NLRP12: variants seen among roughly 807,000 people sequenced by gnomAD.
NLRP12 encodes NACHT, LRR and PYD domains-containing protein 12.
Under a neutral mutation model 91.2 loss-of-function variants are expected in NLRP12, and 108 were observed. That is an observed-to-expected ratio of 1.18 (90% confidence interval 1.01 to 1.39). The LOEUF (loss-of-function observed/expected upper bound fraction) is 1.39. Among genes scored for constraint, NLRP12 ranks in the 40% most tolerant of loss-of-function variants. The pLI is 0.00. For synonymous variants in NLRP12, 613 were observed against 566.7 expected (o/e 1.08, Z -1.16); for missense variants, 1,530 against 1,352.7 (o/e 1.13, Z -2.06).
chr19:53,814,178 C>T (rs1488199210), intron 2 of NLRP12, among the ~76,000 whole-genome samples: 1 of 152,074 alleles, frequency 6.6e-6, no homozygotes, highest in African/African-American at 2.4e-5. Flanking sequence ...AGTGGTGAAT[C>T]CTGCCCCTTC....
At chr19:53,813,289 T>TTTTTTC (rs2092105966) in intron 2 of NLRP12, among the ~76,000 whole-genome samples, 2 of 139,920 alleles carry the variant, frequency 1.4e-5, no homozygotes, top group South Asian at 4.6e-4. Context: ...TTCTTTTTTT[T>TTTTTTC]TTTTCTTTTC....
At chr19:53,796,754 T>C (rs1240408749) in intron 8 of NLRP12, among the ~76,000 whole-genome samples, 2 of 151,290 alleles carry the variant, frequency 1.3e-5, no homozygotes, top group Admixed American at 1.3e-4. Flanking sequence ...TCCAGCACTT[T>C]GGGAGGCCGA....
chr19:53,815,485 C>G (rs1251504977), intron 1 of NLRP12, among the ~76,000 whole-genome samples: 1 of 151,978 alleles, frequency 6.6e-6, no homozygotes, highest in Non-Finnish European at 1.5e-5. Context: ...CCTTGGCCTC[C>G]CAAAGTGCTG....
chr19:53,805,047 G>A (rs2091935609), intron 5 of NLRP12, among the ~76,000 whole-genome samples: 1 of 152,058 alleles, frequency 6.6e-6, no homozygotes, highest in African/African-American at 2.4e-5. Context: ...AAAAAGAAGA[G>A]GTGGGGGATG....
chr19:53,816,418 C>T (rs891511626), intron 1 of NLRP12, among the ~76,000 whole-genome samples: 8 of 149,504 alleles, frequency 5.4e-5, no homozygotes, highest in African/African-American at 2.0e-4. Context: ...ACCCTCTTGG[C>T]ATATGGGGAC....
Position 53,824,261 on chromosome 19 carries a change from A to G in NLRP12, c.-87T>C, listed in dbSNP as rs2092310468. The G allele has an allele frequency of 6.6e-6, 9 of 1,359,616 alleles. No homozygotes were observed. The highest frequency in any genetic ancestry group is 1.0e-6 in the Non-Finnish European group (1 of 965,994). The allele number at this position is 1,359,616 out of a possible 1,614,324, so 84.2% of individuals were successfully genotyped here. On this transcript the variant is annotated 5_prime_UTR_variant, in exon 1 of 10. An upstream start codon of the reference 5' UTR is lost. Transcript: ENST00000324134. ...ACAGGGCGACCCCAGCACACCTTCC[A>G]TTGCATCATTCACAGGCAGCGGGCG...
Position 53,809,723 on chromosome 19 carries a change from C to G in NLRP12, c.1936G>C (p.Glu646Gln). The change falls in exon 3 of 10, where the codon GAG (glutamate) becomes CAG (glutamine). Residue 646 changes from glutamate to glutamine, a missense_variant. By Grantham distance (29) the Glu-to-Gln change is conservative. Coordinates refer to ENST00000324134, the MANE Select transcript of NLRP12 (RefSeq NM_144687.4). ...AGACAGAACGAGGAGACCATGTGCT[C>G]CATCTTGGAGGCAATGTTGCTGACC... ...IVVSNIASKM[E>Q]HMVSSFCLKR... is the part of the protein sequence containing the mutation. 6.2e-7 allele frequency: 1 copy of G among 1,614,080 alleles called. No individual in the cohort carries two copies. The highest frequency in any genetic ancestry group is 8.5e-7 in the Non-Finnish European group (1 of 1,180,028).
At chr19:53,808,336 A>T (rs1238573338) in intron 3 of NLRP12, 1 of 169,336 alleles carries the variant, frequency 5.9e-6, no homozygotes, top group Non-Finnish European at 1.3e-5. Context: ...CCTCTTTATT[A>T]TCTGTCTCCG....
Position 53,807,761 on chromosome 19 carries a change from C to CT in NLRP12, c.2073-97dup, listed in dbSNP as rs1401482394. ...TTCACCGTTTATGAAGCATGCTATCCTTTTTTGAGACGGAGTTTCGCTCTT... is the reference window on the plus strand; with the variant it reads ...TTCACCGTTTATGAAGCATGCTATCCTTTTTTTGAGACGGAGTTTCGCTCTT... On this transcript the variant is annotated intron_variant, in intron 3 of 9. Coordinates refer to ENST00000324134, the MANE Select transcript of NLRP12 (RefSeq NM_144687.4). 23 of 1,434,448 alleles carry CT rather than the reference C, an allele frequency of 1.6e-5. No homozygotes were observed. The East Asian group carries it at 5.1e-4, about 32-fold the overall frequency. The allele number at this position is 1,434,448 out of a possible 1,614,324, so 88.9% of individuals were successfully genotyped here. A position where few individuals can be genotyped will look rare whatever the true frequency, so the allele number is the denominator to read the frequency against.
In NLRP12 at chr19:53,812,391, C is replaced by T. The variant is rs139348522; in HGVS notation, c.371-1103G>A. Among the ~76,000 whole-genome samples, 611 of 146,678 alleles carry T rather than the reference C, an allele frequency of 4.2e-3. 1 individual carries two copies. The highest frequency in any genetic ancestry group is 6.7e-3 in the Non-Finnish European group (452 of 67,338). On this transcript the variant is annotated intron_variant, in intron 2 of 9. Coordinates refer to ENST00000324134, the MANE Select transcript of NLRP12 (RefSeq NM_144687.4). ...TCGCCCCACTGCACTCCAGCCTGGG[C>T]GACAGCGTGAGACTCTGCCTCAAAA...
chr19:53,823,520 A>ATATTTTAAAATATC (rs2092300756), intron 1 of NLRP12, among the ~76,000 whole-genome samples: 1 of 3,508 alleles, frequency 2.9e-4, no homozygotes, highest in Admixed American at 1.8e-3. Context: ...TATTTAAAAC[A>ATATTTTAAAATATC]TATATTTTAA....
intron 1 of NLRP12, among the ~76,000 whole-genome samples, chr19:53,817,107 C>T (rs1210305785): frequency 1.3e-5 from 2 of 150,392 alleles, no homozygotes; most frequent in South Asian, 2.1e-4. Context: ...CTGGGTAACA[C>T]GGTGAAACCC....
intron 1 of NLRP12, among the ~76,000 whole-genome samples, chr19:53,820,656 C>A (rs993652454): frequency 2.0e-5 from 3 of 151,722 alleles, no homozygotes; most frequent in Non-Finnish European, 4.4e-5. Context: ...CTAGCCTGGG[C>A]AACATAGTGA....
At position 53,811,248 on chromosome 19, in the gene NLRP12, G is replaced by C; in HGVS notation, c.411C>G (p.Phe137Leu). The C allele has an allele frequency of 6.2e-7, 1 of 1,614,022 alleles. No individual in the cohort carries two copies. Among genetic ancestry groups the C allele is most frequent in the Non-Finnish European group, 8.5e-7 (1 of 1,180,018 alleles). Residue 137 changes from phenylalanine to leucine, a missense_variant, in exon 3 of 10, where the codon TTC becomes TTG. Phe to Leu is a conservative substitution (Grantham distance 22). Coordinates refer to ENST00000324134, the MANE Select transcript of NLRP12 (RefSeq NM_144687.4). Reference sequence around the variant, plus strand: ...GCGCATTGCGGTCTTCCATGAGCCGGAATTTCCTGCGGACATAGTCCCTGT... The same window carrying C: ...GCGCATTGCGGTCTTCCATGAGCCGCAATTTCCTGCGGACATAGTCCCTGT... ...ETYRDYVRRK[F>L]RLMEDRNARL...
rs141785422 is a variant in NLRP12, at chr19:53,812,398, G to A, written c.371-1110C>T. ...ACTGCACTCCAGCCTGGGCGACAGC[G>A]TGAGACTCTGCCTCAAAAAAAAAAA... On this transcript the variant is annotated intron_variant, in intron 2 of 9. Transcript: ENST00000324134. Among the ~76,000 whole-genome samples, 321 of 149,104 alleles carry A rather than the reference G, an allele frequency of 2.2e-3. 7 individuals carry two copies. The East Asian group carries it at 0.055, about 25-fold the overall frequency.
intron 1 of NLRP12, among the ~76,000 whole-genome samples, chr19:53,819,970 G>GT (rs1008129632): frequency 8.5e-5 from 13 of 152,114 alleles, no homozygotes; most frequent in East Asian, 1.9e-4. Flanking sequence ...TAAAGACTTT[G>GT]TTTTTTACAG....
intron 1 of NLRP12, among the ~76,000 whole-genome samples, chr19:53,823,393 TAAATATATATTTA>T (rs1555799899): frequency 1.0e-5 from 1 of 100,106 alleles, no homozygotes; most frequent in Non-Finnish European, 1.9e-5. Flanking sequence ...ATACATATTT[TAAATATATATTTA>T]AAATATATGT....
intron 9 of NLRP12, 45 bp from the exon 10 acceptor site, chr19:53,794,181 A>G: frequency 8.0e-7 from 1 of 1,255,730 alleles, no homozygotes; most frequent in South Asian, 1.2e-5. Context: ...CTACTGTGGC[A>G]TTCAATTAAT....
downstream of NLRP12, chr19:53,793,604 A>AGAT (rs2091690632): frequency 9.4e-6 from 1 of 106,894 alleles, no homozygotes; most frequent in African/African-American, 4.0e-5. Flanking sequence ...TTTTTTTTTG[A>AGAT]GATGGAGTCC....
Sources: gnomAD v4.1 joint callset for allele counts (sites outside exome capture counted in the v4.1 genomes callset) on GRCh38, gnomAD v4.1.1 for gene constraint, MANE v1.5 for transcripts, NCBI Gene and HGNC (gene_info 2026-07-23, HGNC 2026-07-21) for gene names.